The following TTC38 variants were observed in gnomAD, a reference collection of about 807,000 sequenced individuals.
TTC38 encodes tetratricopeptide repeat protein 38.
Under a neutral mutation model 64.2 loss-of-function variants are expected in TTC38, and 64 were observed. That is an observed-to-expected ratio of 1.00 (90% confidence interval 0.81 to 1.23). TTC38 has a LOEUF of 1.23. TTC38 is among the 50% of genes most tolerant of loss of function. TTC38 has a pLI of 0.00. For missense variants in TTC38, 573 were observed against 615.5 expected, an observed-to-expected ratio of 0.93 and a Z score of 0.73; for synonymous variants, 254 against 249.3, an observed-to-expected ratio of 1.02 and a Z score of -0.18.
intron 9 of TTC38, among the ~76,000 whole-genome samples, chr22:46,286,014 CAA>C (rs573736869): frequency 9.5e-5 from 7 of 73,930 alleles, no homozygotes; most frequent in Admixed American, 3.0e-4. Flanking sequence ...GACTCTGTCT[CAA>C]AAAAAAAAAA....
In TTC38 at chr22:46,281,654, A is replaced by G; in HGVS notation, c.671A>G (p.His224Arg). The G allele has an allele frequency of 6.2e-7, 1 of 1,614,128 alleles. No individual in the cohort carries two copies. The highest frequency in any genetic ancestry group is 8.5e-7 in the Non-Finnish European group (1 of 1,180,000). Residue 224 changes from histidine to arginine, a missense_variant, in exon 7 of 14, where the codon CAC becomes CGC. By Grantham distance (29) the His-to-Arg change is conservative (BLOSUM62 0). Coordinates refer to ENST00000381031, the MANE Select transcript of TTC38 (RefSeq NM_017931.4). This position sits in a 1 kb window ranked among gnomAD's most constrained non-coding sequence, Gnocchi z 5.2. ...AWSVHTVAHIHEMKAEIKDGL... is the reference protein window; with the variant it reads ...AWSVHTVAHIREMKAEIKDGL... ...TCGGTGCACACCGTCGCTCACATCC[A>G]CGAGATGAAAGCAGAGATCAAGGAT...
At chr22:46,285,141 C>A in intron 8 of TTC38, 100 bp from the exon 9 acceptor site, 3 of 1,028,840 alleles carry the variant, frequency 2.9e-6, no homozygotes, top group Non-Finnish European at 4.6e-6. Context: ...GGCCGGAGAC[C>A]ATGTGCTCAG....
chr22:46,277,370 C>T (rs983318616), intron 5 of TTC38, among the ~76,000 whole-genome samples: 8 of 151,990 alleles, frequency 5.3e-5, no homozygotes, highest in Admixed American at 4.6e-4. Flanking sequence ...TTTGGGAGGC[C>T]GAGGCGGGTG....
chr22:46,268,613 G>A lies in TTC38; in HGVS notation c.111+22G>A, dbSNP rs746514299. ...CCAGGTATGCCTGCCGAGAGAGGCC[G>A]CGGCCCCTTCTGTGGAGGTCTAGGG... is the stretch of plus-strand genomic sequence containing the variant. On this transcript the variant is annotated intron_variant, in intron 2 of 13. Coordinates refer to ENST00000381031, the MANE Select transcript of TTC38 (RefSeq NM_017931.4). 8.1e-6 allele frequency: 13 copies of A among 1,611,860 alleles called. No individual in the cohort carries two copies. In the South Asian group the frequency reaches 1.1e-4, roughly 14 times the overall value.
intron 5 of TTC38, among the ~76,000 whole-genome samples, chr22:46,277,549 G>T (rs1409655643): frequency 6.9e-6 from 1 of 145,168 alleles, no homozygotes; most frequent in Non-Finnish European, 1.5e-5. Context: ...AGGTTGCAGT[G>T]AGCTGAGATT....
In TTC38 at chr22:46,292,074, C is replaced by T. The variant is rs185959582; in HGVS notation, c.1317-717C>T. On this transcript the variant is annotated intron_variant, in intron 13 of 13. Coordinates refer to ENST00000381031, the MANE Select transcript of TTC38 (RefSeq NM_017931.4). This position sits in a 1 kb window ranked among gnomAD's most constrained non-coding sequence, Gnocchi z 6.5. ...AAGGCCTGGCTGGGTTCAGTTTCTG[C>T]TGAGGCCTCTCTTCCTGGCTTGTGG... is the stretch of plus-strand genomic sequence containing the variant. 202 of 332,578 alleles carry T rather than the reference C, an allele frequency of 6.1e-4. No individual in the cohort carries two copies. Among genetic ancestry groups the T allele is most frequent in the Non-Finnish European group, 8.9e-4 (151 of 170,284 alleles). The allele number at this position is 332,578 out of a possible 1,614,324, so 20.6% of individuals were successfully genotyped here.
intron 6 of TTC38, among the ~76,000 whole-genome samples, chr22:46,280,407 C>T (rs1025393187): frequency 5.9e-5 from 9 of 152,210 alleles, no homozygotes; most frequent in Non-Finnish European, 1.2e-4. Context: ...CTCCTTCCCA[C>T]GGAACCATGG....
intron 6 of TTC38, among the ~76,000 whole-genome samples, chr22:46,280,771 T>C (rs1382337278): frequency 6.6e-6 from 1 of 152,178 alleles, no homozygotes; most frequent in Non-Finnish European, 1.5e-5. Context: ...TCTGGACCCC[T>C]ATGAAAGGCG....
chr22:46,278,706 C>T (rs135170), intron 6 of TTC38, 45 bp downstream of exon 6: 99,121 of 1,516,058 alleles, frequency 0.065, 3,786 homozygotes, highest in Middle Eastern at 0.088. Context: ...AGGGAGTAGC[C>T]GTTGGCTGGA....
rs1349571739 is a variant in TTC38 at position 46,270,792 on chromosome 22, C to G, written c.112-1543C>G. ...GAGGTTGTAGTGAGCTGAGATAGTGCCACTGCCTTCCAGCCTGGGTGACAG... is the reference window on the plus strand; with the variant it reads ...GAGGTTGTAGTGAGCTGAGATAGTGGCACTGCCTTCCAGCCTGGGTGACAG... On this transcript the variant is annotated intron_variant, in intron 2 of 13. Transcript: ENST00000381031. This position sits in a 1 kb window ranked among gnomAD's most constrained non-coding sequence, Gnocchi z 4.7. Among the ~76,000 whole-genome samples the G allele has an allele frequency of 6.6e-6, 1 of 152,052 alleles. No individual in the cohort carries two copies. The highest frequency in any genetic ancestry group is 1.5e-5 in the Non-Finnish European group (1 of 68,016).
Position 46,275,507 on chromosome 22 carries a change from C to A in TTC38, c.539+86C>A. The A allele has an allele frequency of 7.3e-7, 1 of 1,361,540 alleles. No individual in the cohort carries two copies. The highest frequency in any genetic ancestry group is 1.0e-6 in the Non-Finnish European group (1 of 994,480). The allele number at this position is 1,361,540 out of a possible 1,614,324, so 84.3% of individuals were successfully genotyped here. On this transcript the variant is annotated intron_variant, in intron 5 of 13. Coordinates refer to ENST00000381031, the MANE Select transcript of TTC38 (RefSeq NM_017931.4). This position sits in a 1 kb window ranked among gnomAD's most constrained non-coding sequence, Gnocchi z 4.5. ...AATATGGTGACTCTCTTGGCCCTGT[C>A]CTAAAAATAATGGGACCACTGTTGC...
chr22:46,293,539 C>A lies in TTC38; in HGVS notation c.*655C>A, dbSNP rs560025443. ...TCTCTGGGGCGAGTCTTGGAGCCCCCTGGGGGGCTCTGTTGGTGCTGATTT... is the reference window on the plus strand; with the variant it reads ...TCTCTGGGGCGAGTCTTGGAGCCCCATGGGGGGCTCTGTTGGTGCTGATTT... On this transcript the variant is annotated 3_prime_UTR_variant, in exon 14 of 14. Coordinates refer to ENST00000381031, the MANE Select transcript of TTC38 (RefSeq NM_017931.4). This position sits in a 1 kb window ranked among gnomAD's most constrained non-coding sequence, Gnocchi z 6.6. 1 of 152,430 alleles carries A rather than the reference C, an allele frequency of 6.6e-6. No homozygotes were observed. Among genetic ancestry groups the A allele is most frequent in the Admixed American group, 6.5e-5 (1 of 15,322 alleles). 9.4% of individuals were successfully genotyped at this position (152,430 alleles called of 1,614,324 possible). A position where few individuals can be genotyped will look rare whatever the true frequency, so the allele number is the denominator to read the frequency against.
rs985326658 is a variant in TTC38, at chr22:46,274,153, G to A, written c.365+84G>A. ...GGGTATCCCTTTCCTGATGCCCTTGGGACGGGGGCGGGGTGGGAGAATGCT... is the reference window on the plus strand; with the variant it reads ...GGGTATCCCTTTCCTGATGCCCTTGAGACGGGGGCGGGGTGGGAGAATGCT... On this transcript the variant is annotated intron_variant, in intron 4 of 13. Transcript: ENST00000381031. This position sits in a 1 kb window ranked among gnomAD's most constrained non-coding sequence, Gnocchi z 4.8. The A allele has an allele frequency of 9.7e-6, 11 of 1,131,792 alleles. No homozygotes were observed. In the African/African-American group the frequency reaches 1.2e-4, roughly 13 times the overall value. 70.1% of individuals were successfully genotyped at this position (1,131,792 alleles called of 1,614,324 possible). A position where few individuals can be genotyped will look rare whatever the true frequency, so the allele number is the denominator to read the frequency against.
At position 46,272,278 on chromosome 22, in the gene TTC38, C is replaced by G; in HGVS notation, c.112-57C>G. On this transcript the variant is annotated intron_variant, in intron 2 of 13. Coordinates refer to ENST00000381031, the MANE Select transcript of TTC38 (RefSeq NM_017931.4). The surrounding 1 kb of genome is among the most constrained non-coding windows in gnomAD (Gnocchi z 6.4). ...AGTGTAAACCTGGATTTAGAGCCAC[C>G]TTTGTTAGAATGATCCAAGGGCTCC... 1 of 1,473,654 alleles carries G rather than the reference C, an allele frequency of 6.8e-7. No homozygotes were observed. Among genetic ancestry groups the G allele is most frequent in the Non-Finnish European group, 9.5e-7 (1 of 1,055,108 alleles). The allele number at this position is 1,473,654 out of a possible 1,614,324, so 91.3% of individuals were successfully genotyped here.
At chr22:46,286,715 C>T (rs548007245) in intron 9 of TTC38, among the ~76,000 whole-genome samples, 54 of 152,034 alleles carry the variant, frequency 3.6e-4, no homozygotes, top group African/African-American at 1.3e-3. Flanking sequence ...ACCGTGAGCT[C>T]GAGGTGGGCT....
intron 12 of TTC38, 66 bp downstream of exon 12, chr22:46,289,627 C>T: frequency 6.5e-7 from 1 of 1,531,230 alleles, no homozygotes; most frequent in South Asian, 1.2e-5. Context: ...GCCCCGCAGC[C>T]CCCAAGTTTC....
In TTC38 at chr22:46,275,065, C is replaced by G. The variant is rs1473705361; in HGVS notation, c.366-183C>G. 6.6e-6 allele frequency among the ~76,000 whole-genome samples: 1 copy of G among 152,194 alleles called. No individual in the cohort carries two copies. Among genetic ancestry groups the G allele is most frequent in the Non-Finnish European group, 1.5e-5 (1 of 68,036 alleles). ...CTTGAACTCCTGACCTCGTGATCCA[C>G]CTGCCTTGGTCTCCCAAAGTGCTGG... On this transcript the variant is annotated intron_variant, in intron 4 of 13. Transcript: ENST00000381031. The surrounding 1 kb of genome is among the most constrained non-coding windows in gnomAD (Gnocchi z 4.5).
At chr22:46,288,854 C>A (rs543518750) in intron 11 of TTC38, among the ~76,000 whole-genome samples, 117 of 152,340 alleles carry the variant, frequency 7.7e-4, no homozygotes, top group African/African-American at 2.5e-3. Context: ...ATGAGATCCG[C>A]AGGGTCACAG....
chr22:46,273,981 G>T lies in TTC38; in HGVS notation c.277G>T (p.Val93Leu), dbSNP rs780526524. 17 of 1,614,130 alleles carry T rather than the reference G, an allele frequency of 1.1e-5. No homozygotes were observed. In the South Asian group the frequency reaches 1.9e-4, roughly 18 times the overall value. Residue 93 changes from valine (V) to leucine (L), a missense_variant, in exon 4 of 14, where the codon GTG becomes TTG. Val to Leu is a conservative substitution (Grantham distance 32, BLOSUM62 1). Around this residue, in one of 3 missense-constraint regions of TTC38, gnomAD observed 134 missense variants for 126.5 expected, o/e 1.06. Transcript: ENST00000381031. The surrounding 1 kb of genome is among the most constrained non-coding windows in gnomAD (Gnocchi z 5.1). ...GCTGGACAAAGAGCTGGACCTGGCT[G>T]TGAAGACAATGGTGGAGATTTCAAG... The part of the protein sequence containing the change: ...VKLDKELDLA[V>L]KTMVEISRTQ...
Sources: allele counts gnomAD v4.1 joint callset (sites outside exome capture counted in the v4.1 genomes callset), GRCh38; gene constraint gnomAD v4.1.1; regional missense constraint gnomAD v4.1.1; non-coding constraint Gnocchi (gnomAD v3.1); transcripts MANE v1.5; gene names NCBI Gene and HGNC (gene_info 2026-07-23, HGNC 2026-07-21).